Variants in FOXC2 observed in about 807,000 individuals in gnomAD.
FOXC2 encodes forkhead box protein C2.
Under a neutral mutation model 7.2 loss-of-function variants are expected in FOXC2, and 7 were observed. The observed-to-expected ratio is 0.97, with a 90% CI of 0.55 to 1.81. The LOEUF is 1.81. Ranked by LOEUF, FOXC2 falls within the 40% of genes most tolerant of loss-of-function variation. The pLI, the probability that FOXC2 is intolerant of heterozygous loss-of-function variation, is 0.00. For missense variants in FOXC2, 846 were observed against 741.2 expected, an observed-to-expected ratio of 1.14 and a Z score of -1.64; for synonymous variants, 436 against 350.4, an observed-to-expected ratio of 1.24 and a Z score of -2.73.
In FOXC2 at chr16:86,566,839, C is replaced by G. The variant is rs931882512; in HGVS notation, c.-497C>G. Among the ~76,000 whole-genome samples, 1 of 152,166 alleles carries G rather than the reference C, an allele frequency of 6.6e-6. No individual in the cohort carries two copies. Among genetic ancestry groups the G allele is most frequent in the Non-Finnish European group, 1.5e-5 (1 of 68,022 alleles). On this transcript the variant is annotated 5_prime_UTR_variant, in exon 1 of 1. Transcript: ENST00000649859. The surrounding 1 kb of genome is among the most constrained non-coding windows in gnomAD (Gnocchi z 4.3). ...AGCAAGAAGACTTTTGAAACTTTTC[C>G]CAATCCCTAAAAGGGACTTGGCCTC...
rs1257341674 is a variant in FOXC2, at chr16:86,569,016, G to A, written c.*175G>A. On this transcript the variant is annotated 3_prime_UTR_variant, in exon 1 of 1. Transcript: ENST00000649859. ...GCTAGCCCCCAGCCGTCTGTGAAGAGCGCAGGTAACTTTAATTCGCCGCCC... is the reference window on the plus strand; with the variant it reads ...GCTAGCCCCCAGCCGTCTGTGAAGAACGCAGGTAACTTTAATTCGCCGCCC... The A allele has an allele frequency of 8.5e-6, 7 of 826,824 alleles. No homozygotes were observed. Among genetic ancestry groups the A allele is most frequent in the South Asian group, 1.7e-5 (1 of 57,570 alleles). The allele number at this position is 826,824 out of a possible 1,614,324, so 51.2% of individuals were successfully genotyped here. A position where few individuals can be genotyped will look rare whatever the true frequency, so the allele number is the denominator to read the frequency against.
chr16:86,568,866 G>C lies in FOXC2; in HGVS notation c.*25G>C, dbSNP rs1019408195. 3.2e-5 allele frequency: 52 copies of C among 1,611,342 alleles called. No individual in the cohort carries two copies. Among genetic ancestry groups the C allele is most frequent in the Non-Finnish European group, 4.2e-5 (49 of 1,179,254 alleles). ...ACGTGTCCCGGGACCTCCCCTCCCCGGCCCGCTCCGGCTTCGCTTCCCAGC... is the reference window on the plus strand; with the variant it reads ...ACGTGTCCCGGGACCTCCCCTCCCCCGCCCGCTCCGGCTTCGCTTCCCAGC... On this transcript the variant is annotated 3_prime_UTR_variant, in exon 1 of 1. Coordinates refer to ENST00000649859, the MANE Select transcript of FOXC2 (RefSeq NM_005251.3). This position sits in a 1 kb window ranked among gnomAD's most constrained non-coding sequence, Gnocchi z 5.2.
chr16:86,569,150 G>A lies in FOXC2; in HGVS notation c.*309G>A. 1 of 490,442 alleles carries A rather than the reference G, an allele frequency of 2.0e-6. No individual in the cohort carries two copies. The allele number at this position is 490,442 out of a possible 1,614,324, so 30.4% of individuals were successfully genotyped here. ...AGGACGGCTGTGCTGTGCTCGACCT[G>A]AGCTTTCAAAAGTTAAGTTATGGAC... On this transcript the variant is annotated 3_prime_UTR_variant, in exon 1 of 1. Coordinates refer to ENST00000649859, the MANE Select transcript of FOXC2 (RefSeq NM_005251.3).
Position 86,568,898 on chromosome 16 carries a change from C to G in FOXC2, c.*57C>G, listed in dbSNP as rs576955060. The G allele has an allele frequency of 2.6e-5, 42 of 1,603,384 alleles. No individual in the cohort carries two copies. The East Asian group carries it at 8.1e-4, about 31-fold the overall frequency. On this transcript the variant is annotated 3_prime_UTR_variant, in exon 1 of 1. Coordinates refer to ENST00000649859, the MANE Select transcript of FOXC2 (RefSeq NM_005251.3). This position sits in a 1 kb window ranked among gnomAD's most constrained non-coding sequence, Gnocchi z 5.2. ...TCCGGCTTCGCTTCCCAGCCCCGAC[C>G]CAACCAGACAATTAAGGGGCTGCAG...
rs1385347342 is a variant in FOXC2 at position 86,569,322 on chromosome 16, T to C, written c.*481T>C. The C allele has an allele frequency of 5.7e-6, 1 of 174,490 alleles. No individual in the cohort carries two copies. The highest frequency in any genetic ancestry group is 1.4e-5 in the Non-Finnish European group (1 of 71,888). The allele number at this position is 174,490 out of a possible 1,614,324, so 10.8% of individuals were successfully genotyped here. On this transcript the variant is annotated 3_prime_UTR_variant, in exon 1 of 1. Coordinates refer to ENST00000649859, the MANE Select transcript of FOXC2 (RefSeq NM_005251.3). Reference sequence around the variant, plus strand: ...GTGTGGATTTGTAATCAGGCTATTTTGTTGTTGTTGTTGTTGTTCAGAGCC... The same window carrying C: ...GTGTGGATTTGTAATCAGGCTATTTCGTTGTTGTTGTTGTTGTTCAGAGCC...
chr16:86,568,887 C>G lies in FOXC2; in HGVS notation c.*46C>G, dbSNP rs1308806994. The G allele has an allele frequency of 6.2e-7, 1 of 1,608,132 alleles. No individual in the cohort carries two copies. The highest frequency in any genetic ancestry group is 1.3e-5 in the African/African-American group (1 of 74,770). Reference sequence around the variant, plus strand: ...CCCCGGCCCGCTCCGGCTTCGCTTCCCAGCCCCGACCCAACCAGACAATTA... The same window carrying G: ...CCCCGGCCCGCTCCGGCTTCGCTTCGCAGCCCCGACCCAACCAGACAATTA... On this transcript the variant is annotated 3_prime_UTR_variant, in exon 1 of 1. Coordinates refer to ENST00000649859, the MANE Select transcript of FOXC2 (RefSeq NM_005251.3). This position sits in a 1 kb window ranked among gnomAD's most constrained non-coding sequence, Gnocchi z 5.2.
chr16:86,568,076 G>T lies in FOXC2; in HGVS notation c.741G>T (p.Thr247=). 7.0e-7 allele frequency: 1 copy of T among 1,425,366 alleles called. No homozygotes were observed. The highest frequency in any genetic ancestry group is 9.1e-7 in the Non-Finnish European group (1 of 1,099,242). The allele number at this position is 1,425,366 out of a possible 1,614,324, so 88.3% of individuals were successfully genotyped here. ...GCAGCCCGCGCAGCGCGGCCTCCACGCCCGCCGGCTCCCCCGACGGCTCGC... is the reference window on the plus strand; with the variant it reads ...GCAGCCCGCGCAGCGCGGCCTCCACTCCCGCCGGCTCCCCCGACGGCTCGC... The part of the protein sequence containing the change: ...LQGSPRSAAS[T]PAGSPDGSLP... The change falls in exon 1 of 1, where the codon ACG becomes ACT. Residue 247 remains threonine, a synonymous_variant. Transcript: ENST00000649859. The surrounding 1 kb of genome is among the most constrained non-coding windows in gnomAD (Gnocchi z 5.2).
rs1224865113 is a variant in FOXC2 at position 86,566,873 on chromosome 16, G to A, written c.-463G>A. Among the ~76,000 whole-genome samples the A allele has an allele frequency of 1.3e-5, 2 of 152,094 alleles. No individual in the cohort carries two copies. Among genetic ancestry groups the A allele is most frequent in the African/African-American group, 4.8e-5 (2 of 41,454 alleles). On this transcript the variant is annotated 5_prime_UTR_variant, in exon 1 of 1. Transcript: ENST00000649859. This position sits in a 1 kb window ranked among gnomAD's most constrained non-coding sequence, Gnocchi z 4.3. ...AAAAGGGACTTGGCCTCTTTTTCTG[G>A]GCTCAGCGGGGCAGCCGCTCGGACC...
chr16:86,567,495 C>T lies in FOXC2; in HGVS notation c.160C>T (p.Arg54Cys), dbSNP rs369098719. ...GGAGCAGTACAGCGCGGGGATGGGC[C>T]GCTCCTACGCGCCCTACCACCACCA... ...HPEQYSAGMG[R>C]SYAPYHHHQP... The change falls in exon 1 of 1, where the codon CGC becomes TGC. Residue 54 changes from arginine to cysteine, a missense_variant. Around this residue, in one of 3 missense-constraint regions of FOXC2, gnomAD observed 154 missense variants for 134.2 expected, o/e 1.15. Transcript: ENST00000649859. 4 of 1,613,856 alleles carry T rather than the reference C, an allele frequency of 2.5e-6. No homozygotes were observed. The highest frequency in any genetic ancestry group is 2.2e-5 in the East Asian group (1 of 44,844).
At position 86,567,954 on chromosome 16, in the gene FOXC2, G is replaced by A. The variant is rs1467345739; in HGVS notation, c.619G>A (p.Ala207Thr). The part of the protein sequence containing the change: ...TPHLADAPKE[A>T]EKKVVIKSEA... The stretch of plus-strand genomic sequence containing the variant: ...CCACCTAGCGGACGCCCCCAAGGAG[G>A]CCGAGAAGAAGGTGGTGATCAAGAG... The change falls in exon 1 of 1, where the codon GCC becomes ACC. Residue 207 changes from alanine to threonine, a missense_variant. Ala to Thr is a moderately conservative substitution (Grantham distance 58, BLOSUM62 0). Around this residue, in one of 3 missense-constraint regions of FOXC2, gnomAD observed 640 missense variants for 503.2 expected, o/e 1.27. Coordinates refer to ENST00000649859, the MANE Select transcript of FOXC2 (RefSeq NM_005251.3). 2 of 1,549,060 alleles carry A rather than the reference G, an allele frequency of 1.3e-6. No individual in the cohort carries two copies. Among genetic ancestry groups the A allele is most frequent in the South Asian group, 1.2e-5 (1 of 82,868 alleles).
rs769989399 is a variant in FOXC2, at chr16:86,568,700, C to T, written c.1365C>T (p.Asn455=). ...QTFPNVREMF[N]SHRLGIENST... ...TCCCCAACGTGCGGGAGATGTTCAA[C>T]TCCCACCGGCTGGGGATTGAGAACT... The change falls in exon 1 of 1, where the codon AAC becomes AAT. Residue 455 remains asparagine (N), a synonymous_variant. Transcript: ENST00000649859. The surrounding 1 kb of genome is among the most constrained non-coding windows in gnomAD (Gnocchi z 5.2). 6.2e-7 allele frequency: 1 copy of T among 1,612,924 alleles called. No homozygotes were observed. The highest frequency in any genetic ancestry group is 8.5e-7 in the Non-Finnish European group (1 of 1,180,000).
rs1313523405 is a variant in FOXC2 at position 86,568,705 on chromosome 16, A to G, written c.1370A>G (p.His457Arg). Reference sequence around the variant, plus strand: ...AACGTGCGGGAGATGTTCAACTCCCACCGGCTGGGGATTGAGAACTCGACC... The same window carrying G: ...AACGTGCGGGAGATGTTCAACTCCCGCCGGCTGGGGATTGAGAACTCGACC... ...FPNVREMFNS[H>R]RLGIENSTLG... The change falls in exon 1 of 1, where the codon CAC becomes CGC. Residue 457 changes from histidine to arginine, a missense_variant. Physicochemically the swap from His to Arg is conservative, Grantham distance 29 (BLOSUM62 0). This residue lies in a region of FOXC2 where 640 missense variants were observed against 503.2 expected (regional missense o/e 1.27). Transcript: ENST00000649859. The surrounding 1 kb of genome is among the most constrained non-coding windows in gnomAD (Gnocchi z 5.2). 5 of 1,612,896 alleles carry G rather than the reference A, an allele frequency of 3.1e-6. No homozygotes were observed. In the Admixed American group the frequency reaches 8.3e-5, roughly 27 times the overall value.
Position 86,569,002 on chromosome 16 carries a change from GCCGT to G in FOXC2, c.*163_*166del. The G allele has an allele frequency of 2.1e-6, 2 of 962,272 alleles. No homozygotes were observed. The highest frequency in any genetic ancestry group is 3.2e-6 in the Non-Finnish European group (2 of 629,030). 59.6% of individuals were successfully genotyped at this position (962,272 alleles called of 1,614,324 possible). ...CAGAGAGCGGGCACGCTAGCCCCCAGCCGTCTGTGAAGAGCGCAGGTAACTTTAA... is the reference window on the plus strand; with the variant it reads ...CAGAGAGCGGGCACGCTAGCCCCCAGCTGTGAAGAGCGCAGGTAACTTTAA... On this transcript the variant is annotated 3_prime_UTR_variant, in exon 1 of 1. Transcript: ENST00000649859.
Position 86,568,561 on chromosome 16 carries a change from A to T in FOXC2, c.1226A>T (p.Gln409Leu). Residue 409 changes from glutamine to leucine, a missense_variant, in exon 1 of 1, where the codon CAG (glutamine) becomes CTG (leucine). By Grantham distance (113) the Gln-to-Leu change is moderately radical. Around this residue, in one of 3 missense-constraint regions of FOXC2, gnomAD observed 640 missense variants for 503.2 expected, o/e 1.27. Transcript: ENST00000649859. The surrounding 1 kb of genome is among the most constrained non-coding windows in gnomAD (Gnocchi z 5.2). ...APPPPPAPQPQPTPQPGAAAA... is the reference protein window; with the variant it reads ...APPPPPAPQPLPTPQPGAAAA... ...CCGCCCCCGCCGGCTCCCCAGCCCC[A>T]GCCGACGCCGCAGCCCGGGGCCGCC... is the stretch of plus-strand genomic sequence containing the variant. 1 of 1,524,462 alleles carries T rather than the reference A, an allele frequency of 6.6e-7. No homozygotes were observed. The highest frequency in any genetic ancestry group is 8.8e-7 in the Non-Finnish European group (1 of 1,135,700). 94.4% of individuals were successfully genotyped at this position (1,524,462 alleles called of 1,614,324 possible). A position where few individuals can be genotyped will look rare whatever the true frequency, so the allele number is the denominator to read the frequency against.
At position 86,568,434 on chromosome 16, in the gene FOXC2, T is replaced by C. The variant is rs1287245595; in HGVS notation, c.1099T>C (p.Ser367Pro). 16 of 1,378,670 alleles carry C rather than the reference T, an allele frequency of 1.2e-5. No individual in the cohort carries two copies. Among genetic ancestry groups the C allele is most frequent in the Non-Finnish European group, 1.5e-5 (16 of 1,059,256 alleles). The allele number at this position is 1,378,670 out of a possible 1,614,324, so 85.4% of individuals were successfully genotyped here. ...CTCGGACCACCCGAGCGGCCCCACG[T>C]CGCCCCTGAGCGCTCTCAACCTCGC... is the stretch of plus-strand genomic sequence containing the variant. The part of the protein sequence containing the change: ...ALSDHPSGPT[S>P]PLSALNLAAG... Residue 367 changes from serine (S) to proline (P), a missense_variant, in exon 1 of 1, where the codon TCG becomes CCG. Ser to Pro is a moderately conservative substitution (Grantham distance 74). This residue lies in a region of FOXC2 where 640 missense variants were observed against 503.2 expected (regional missense o/e 1.27). Transcript: ENST00000649859. The surrounding 1 kb of genome is among the most constrained non-coding windows in gnomAD (Gnocchi z 5.2).
In FOXC2 at chr16:86,567,388, A is replaced by G; in HGVS notation, c.53A>G (p.Tyr18Cys). ...CCCAACGCCCTGGGAGTGGTGCCCT[A>G]CCTGAGCGAGCAGAATTACTACCGG... The part of the protein sequence containing the change: ...SDPNALGVVP[Y>C]LSEQNYYRAA... Residue 18 changes from tyrosine to cysteine, a missense_variant, in exon 1 of 1, where the codon TAC (tyrosine) becomes TGC (cysteine). Physicochemically the swap from Tyr to Cys is radical, Grantham distance 194. Coordinates refer to ENST00000649859, the MANE Select transcript of FOXC2 (RefSeq NM_005251.3). 1.2e-6 allele frequency: 2 copies of G among 1,613,164 alleles called. No individual in the cohort carries two copies. Among genetic ancestry groups the G allele is most frequent in the Middle Eastern group, 1.6e-4 (1 of 6,062 alleles).
In FOXC2 at chr16:86,567,329, A is replaced by T. The variant is rs1441214577; in HGVS notation, c.-7A>T. ...CGAGGGCGCCGGCGAGCCGTCTCGG[A>T]AGCAGCATGCAGGCGCGCTACTCCG... On this transcript the variant is annotated 5_prime_UTR_variant, in exon 1 of 1. Coordinates refer to ENST00000649859, the MANE Select transcript of FOXC2 (RefSeq NM_005251.3). The T allele has an allele frequency of 6.2e-7, 1 of 1,612,646 alleles. No individual in the cohort carries two copies. The highest frequency in any genetic ancestry group is 8.5e-7 in the Non-Finnish European group (1 of 1,179,736).
chr16:86,567,288 G>A lies in FOXC2; in HGVS notation c.-48G>A. 5 of 1,608,800 alleles carry A rather than the reference G, an allele frequency of 3.1e-6. No homozygotes were observed. The highest frequency in any genetic ancestry group is 4.2e-6 in the Non-Finnish European group (5 of 1,177,674). ...CTCTCAGGGCCCCCCTCGCTCCCCC[G>A]GCCGCAGTCCGTGCGCGAGGGCGCC... On this transcript the variant is annotated 5_prime_UTR_variant, in exon 1 of 1. Transcript: ENST00000649859.
In FOXC2 at chr16:86,567,374, G is replaced by A; in HGVS notation, c.39G>A (p.Leu13=). 6.2e-7 allele frequency: 1 copy of A among 1,613,186 alleles called. No homozygotes were observed. The highest frequency in any genetic ancestry group is 1.3e-5 in the African/African-American group (1 of 75,056). The change falls in exon 1 of 1, where the codon CTG becomes CTA. Residue 13 remains leucine (L), a synonymous_variant. Transcript: ENST00000649859. The part of the protein sequence containing the change: ...ARYSVSDPNA[L]GVVPYLSEQN... ...ACTCCGTGTCCGACCCCAACGCCCT[G>A]GGAGTGGTGCCCTACCTGAGCGAGC...
Sources: allele counts gnomAD v4.1 joint callset (sites outside exome capture counted in the v4.1 genomes callset), GRCh38; gene constraint gnomAD v4.1.1; regional missense constraint gnomAD v4.1.1; non-coding constraint Gnocchi (gnomAD v3.1); transcripts MANE v1.5; gene names NCBI Gene and HGNC (gene_info 2026-07-23, HGNC 2026-07-21).